TNFRSF11A: variants seen among roughly 807,000 people sequenced by gnomAD.
The protein encoded by TNFRSF11A is tumor necrosis factor receptor superfamily member 11A.
Under a neutral mutation model 55.7 loss-of-function variants are expected in TNFRSF11A, and 32 were observed. The ratio of observed to expected loss-of-function variants is 0.57; its 90% CI spans 0.43 to 0.77. TNFRSF11A has a LOEUF of 0.77. Among genes scored for constraint, TNFRSF11A ranks in the 30% least tolerant of loss-of-function variants. The pLI is 0.00. For synonymous variants in TNFRSF11A, 311 were observed against 331.0 expected (o/e 0.94, Z 0.65); for missense variants, 753 against 809.8 (o/e 0.93, Z 0.85).
chr18:62,335,193 C>T (rs1360852462), intron 1 of TNFRSF11A, among the ~76,000 whole-genome samples: 10 of 150,470 alleles, frequency 6.6e-5, no homozygotes, highest in South Asian at 6.3e-4. Context: ...CACTGAACCT[C>T]GCTTCTCGGG....
chr18:62,380,779 C>T (rs971283158), intron 9 of TNFRSF11A, among the ~76,000 whole-genome samples: 2 of 151,076 alleles, frequency 1.3e-5, no homozygotes, highest in Non-Finnish European at 2.9e-5. Context: ...CTTCCACAAG[C>T]CTCACGGCCT....
At chr18:62,332,310 G>A (rs991330097) in intron 1 of TNFRSF11A, among the ~76,000 whole-genome samples, 3 of 152,202 alleles carry the variant, frequency 2.0e-5, no homozygotes, top group African/African-American at 7.2e-5. Context: ...ACTTAATAGT[G>A]TATCACGTAG....
chr18:62,358,215 T>C (rs1909414522), intron 4 of TNFRSF11A, 33 bp from the exon 5 acceptor site: 5 of 1,577,788 alleles, frequency 3.2e-6, no homozygotes, highest in Middle Eastern at 1.7e-4. Context: ...TTGTTTGTTC[T>C]GTCTGGGTTG....
In TNFRSF11A at chr18:62,342,295, G is replaced by A. The variant is rs1184675121; in HGVS notation, c.76-5873G>A. 4.0e-5 allele frequency among the ~76,000 whole-genome samples: 6 copies of A among 150,426 alleles called. No homozygotes were observed. The East Asian group carries it at 7.8e-4, about 20-fold the overall frequency. On this transcript the variant is annotated intron_variant, in intron 1 of 9. Transcript: ENST00000586569. ...TGGGCACCTGTGGTCCCAGCTACTCGGGAGGCTGAGGTGGGAGAATCTCTT... is the reference window on the plus strand; with the variant it reads ...TGGGCACCTGTGGTCCCAGCTACTCAGGAGGCTGAGGTGGGAGAATCTCTT...
chr18:62,329,888 G>A (rs541532260), intron 1 of TNFRSF11A, among the ~76,000 whole-genome samples: 5 of 152,236 alleles, frequency 3.3e-5, no homozygotes, highest in Admixed American at 1.3e-4. Flanking sequence ...GTGCTCTCAC[G>A]CCAAGAAGCC....
At chr18:62,344,230 G>A (rs2046351764) in intron 1 of TNFRSF11A, among the ~76,000 whole-genome samples, 1 of 152,190 alleles carries the variant, frequency 6.6e-6, no homozygotes, top group African/African-American at 2.4e-5. Context: ...TTTGTCTCAT[G>A]GGACTGTATT....
chr18:62,356,152 G>A (rs551738507), intron 4 of TNFRSF11A, among the ~76,000 whole-genome samples: 1 of 152,158 alleles, frequency 6.6e-6, no homozygotes, highest in Non-Finnish European at 1.5e-5. Context: ...CTTAACAAAT[G>A]ATTATTTATG....
chr18:62,367,788 C>CTTTTTTTTTTTTTTTTTTTTTT (rs67721371), intron 8 of TNFRSF11A, among the ~76,000 whole-genome samples: 10 of 78,686 alleles, frequency 1.3e-4, no homozygotes, highest in Non-Finnish European at 1.4e-4. Context: ...TCTTCTTCTT[C>CTTTTTTTTTTTTTTTTTTTTTT]TTTTTTTTTT....
rs1265920489 is a variant in TNFRSF11A at position 62,383,870 on chromosome 18, A to G, written c.1568-881A>G. On this transcript the variant is annotated intron_variant, in intron 9 of 9. Coordinates refer to ENST00000586569, the MANE Select transcript of TNFRSF11A (RefSeq NM_003839.4). The surrounding 1 kb of genome is among the most constrained non-coding windows in gnomAD (Gnocchi z 4.2). ...GTTTCCGGGAGTAATTTTAATGTTA[A>G]GGAAGTGGATTAATCTCTACTGAAA... Among the ~76,000 whole-genome samples, 1 of 152,024 alleles carries G rather than the reference A, an allele frequency of 6.6e-6. No individual in the cohort carries two copies. The highest frequency in any genetic ancestry group is 1.5e-5 in the Non-Finnish European group (1 of 67,986).
chr18:62,340,409 G>A (rs2046295681), intron 1 of TNFRSF11A, among the ~76,000 whole-genome samples: 1 of 151,640 alleles, frequency 6.6e-6, no homozygotes, highest in African/African-American at 2.4e-5. Context: ...ATAGAGACAG[G>A]GTCTCAAACT....
chr18:62,342,555 G>T (rs993920610), intron 1 of TNFRSF11A, among the ~76,000 whole-genome samples: 35 of 151,886 alleles, frequency 2.3e-4, no homozygotes, highest in Non-Finnish European at 1.9e-4. Flanking sequence ...GTTTTGCTGC[G>T]AATCACCATG....
In TNFRSF11A at chr18:62,342,748, T is replaced by G. The variant is rs142192967; in HGVS notation, c.76-5420T>G. On this transcript the variant is annotated intron_variant, in intron 1 of 9. Coordinates refer to ENST00000586569, the MANE Select transcript of TNFRSF11A (RefSeq NM_003839.4). ...TTTGACTCATTAATGGAAACACTTG[T>G]GACCGGGAGAAACTGAGACCTTCTC... 8.6e-3 allele frequency among the ~76,000 whole-genome samples: 1,311 copies of G among 152,316 alleles called. 21 individuals carry two copies. Among genetic ancestry groups the G allele is most frequent in the African/African-American group, 0.03 (1,233 of 41,574 alleles).
rs57219485 is a variant in TNFRSF11A at position 62,362,490 on chromosome 18, C to CAAAAAAAAAAAAAAAAAAAAAAAAAAA, written c.730+720_730+721insAAAAAAAAAAAAAAAAAAAAAAAAAAA. On this transcript the variant is annotated intron_variant, in intron 7 of 9. Transcript: ENST00000586569. ...GGACAACAAGAGCAAAACTTCATCT[C>CAAAAAAAAAAAAAAAAAAAAAAAAAAA]AAAAAAAAAAAAAAAAAAAAAAAGA... Among the ~76,000 whole-genome samples the CAAAAAAAAAAAAAAAAAAAAAAAAAAA allele has an allele frequency of 1.2e-4, 9 of 75,874 alleles. 2 individuals carry two copies. The highest frequency in any genetic ancestry group is 2.1e-4 in the African/African-American group (4 of 18,612). 49.8% of individuals were successfully genotyped at this position (75,874 alleles called of 152,430 possible). A position where few individuals can be genotyped will look rare whatever the true frequency, so the allele number is the denominator to read the frequency against.
At position 62,384,974 on chromosome 18, in the gene TNFRSF11A, G is replaced by C. The variant is rs1312755367; in HGVS notation, c.1791G>C (p.Gly597=). 1 of 1,473,816 alleles carries C rather than the reference G, an allele frequency of 6.8e-7. No homozygotes were observed. Among genetic ancestry groups the C allele is most frequent in the South Asian group, 1.4e-5 (1 of 73,526 alleles). The allele number at this position is 1,473,816 out of a possible 1,614,324, so 91.3% of individuals were successfully genotyped here. A position where few individuals can be genotyped will look rare whatever the true frequency, so the allele number is the denominator to read the frequency against. ...CGGACCCGTGCGGCGGCCCCGAGGG[G>C]CTGCGGGAGCCGGAGAAGGCCTCGA... ...RFPDPCGGPE[G]LREPEKASRP... is the part of the protein sequence containing the mutation. Residue 597 remains glycine, a synonymous_variant, in exon 10 of 10, where the codon GGG becomes GGC. Coordinates refer to ENST00000586569, the MANE Select transcript of TNFRSF11A (RefSeq NM_003839.4).
At chr18:62,362,137 T>C (rs1909732158) in intron 7 of TNFRSF11A, among the ~76,000 whole-genome samples, 1 of 152,250 alleles carries the variant, frequency 6.6e-6, no homozygotes, top group Non-Finnish European at 1.5e-5. Context: ...GCTTTTAAAA[T>C]ATACATAAAA....
chr18:62,337,486 A>T (rs1297452095), intron 1 of TNFRSF11A, among the ~76,000 whole-genome samples: 1 of 152,154 alleles, frequency 6.6e-6, no homozygotes, highest in Non-Finnish European at 1.5e-5. Flanking sequence ...TACCCTACCC[A>T]CCTCACACTG....
At chr18:62,373,657 A>G (rs1164424170) in intron 9 of TNFRSF11A, among the ~76,000 whole-genome samples, 3 of 152,094 alleles carry the variant, frequency 2.0e-5, no homozygotes, top group Non-Finnish European at 4.4e-5. Flanking sequence ...AGGGAGCTGG[A>G]GAAGGAGGGG....
At chr18:62,327,183 C>T (rs978088819) in intron 1 of TNFRSF11A, among the ~76,000 whole-genome samples, 1 of 152,160 alleles carries the variant, frequency 6.6e-6, no homozygotes, top group African/African-American at 2.4e-5. Flanking sequence ...CTCCTGTCTC[C>T]TCTCCTGTAA....
chr18:62,368,213 T>C (rs1021050672), intron 8 of TNFRSF11A, among the ~76,000 whole-genome samples: 10 of 152,242 alleles, frequency 6.6e-5, no homozygotes, highest in Non-Finnish European at 2.9e-5. Flanking sequence ...CATATTTGAA[T>C]CTTTCTTTCC....
Sources: allele counts gnomAD v4.1 joint callset (sites outside exome capture counted in the v4.1 genomes callset), GRCh38; gene constraint gnomAD v4.1.1; non-coding constraint Gnocchi (gnomAD v3.1); transcripts MANE v1.5; gene names NCBI Gene and HGNC (gene_info 2026-07-23, HGNC 2026-07-21).